The following TENM3 variants were observed in gnomAD, a reference collection of about 807,000 sequenced individuals.
The protein encoded by TENM3 is teneurin transmembrane protein 3, also known as teneurin-3.
Under a neutral mutation model 255.1 loss-of-function variants are expected in TENM3, and 63 were observed. That is an observed-to-expected ratio of 0.25 (90% CI 0.20 to 0.30). The LOEUF (loss-of-function observed/expected upper bound fraction) is 0.30, where lower values mean the gene tolerates loss of function less well. Ranked by LOEUF, TENM3 falls within the 10% of genes least tolerant of loss-of-function variation. The pLI, the probability that TENM3 is intolerant of heterozygous loss-of-function variation, is 1.00. For synonymous variants in TENM3, 1,306 were observed against 1,322.3 expected (o/e 0.99, Z 0.27); for missense variants, 2,929 against 3,461.1 (o/e 0.85, Z 3.86).
chr4:182,353,266 A>G (rs975602313), intron 3 of TENM3, among the ~76,000 whole-genome samples: 1 of 152,204 alleles, frequency 6.6e-6, no homozygotes, highest in African/African-American at 2.4e-5. Context: ...TAAGAAACAC[A>G]TGGCATTTCA....
the TENM3 span, among the ~76,000 whole-genome samples, chr4:181,550,504 T>G: frequency 6.6e-6 from 1 of 152,222 alleles, no homozygotes; most frequent in African/African-American, 2.4e-5. Flanking sequence ...TGGTGGTCAA[T>G]GATCGAGTCT....
At chr4:181,653,700 CTTTTTTT>C in the TENM3 span, among the ~76,000 whole-genome samples, 1 of 137,300 alleles carries the variant, frequency 7.3e-6, no homozygotes. Context: ...ATAAGACCAG[CTTTTTTT>C]TTTTTTTTTT....
At chr4:182,108,682 C>T in the TENM3 span, among the ~76,000 whole-genome samples, 3 of 152,052 alleles carry the variant, frequency 2.0e-5, no homozygotes, top group African/African-American at 7.2e-5. Context: ...GAGGATAATT[C>T]CAAATACAAT....
At chr4:181,751,294 T>A in the TENM3 span, among the ~76,000 whole-genome samples, 11 of 152,146 alleles carry the variant, frequency 7.2e-5, no homozygotes, top group Admixed American at 1.3e-4. Context: ...GTCCAGTCTT[T>A]TAACTCAAGA....
the TENM3 span, among the ~76,000 whole-genome samples, chr4:181,888,532 ATGTG>A: frequency 8.0e-3 from 625 of 77,652 alleles, 8 homozygotes; most frequent in African/African-American, 0.015. Flanking sequence ...ATATACATAT[ATGTG>A]TATATATATA....
At chr4:182,523,502 G>A (rs1738798507) in intron 3 of TENM3, among the ~76,000 whole-genome samples, 1 of 152,168 alleles carries the variant, frequency 6.6e-6, no homozygotes, top group African/African-American at 2.4e-5. Flanking sequence ...TAGTAAATTA[G>A]TGGGTACTGA....
At chr4:181,786,705 T>G in the TENM3 span, among the ~76,000 whole-genome samples, 1 of 151,940 alleles carries the variant, frequency 6.6e-6, no homozygotes, top group Non-Finnish European at 1.5e-5. Context: ...CACTTTTTTT[T>G]TTTTTTTCCT....
At chr4:182,141,582 G>C (rs532855641), upstream of TENM3, 1 of 152,296 alleles carries the variant, frequency 6.6e-6, no homozygotes, top group South Asian at 2.1e-4. Context: ...TGCGCGCTTT[G>C]TCCACCAGCG....
chr4:182,045,525 T>G, the TENM3 span, among the ~76,000 whole-genome samples: 1 of 152,180 alleles, frequency 6.6e-6, no homozygotes, highest in African/African-American at 2.4e-5. Context: ...TTGCGTTTTT[T>G]TAAGGGTGAA....
At position 182,680,439 on chromosome 4, in the gene TENM3, G is replaced by GGT. The variant is rs1554014059; in HGVS notation, c.1639+91_1639+92insTG. The GGT allele has an allele frequency of 4.2e-6, 6 of 1,417,086 alleles. No homozygotes were observed. In the Admixed American group the frequency reaches 5.2e-5, roughly 12 times the overall value. The allele number at this position is 1,417,086 out of a possible 1,614,324, so 87.8% of individuals were successfully genotyped here. ...AAAACTACCGAGACAGGAAAGAAAG[G>GGT]GGGGGGGAGACTGGCATATTGCTTG... On this transcript the variant is annotated intron_variant, in intron 9 of 27. Coordinates refer to ENST00000511685, the MANE Select transcript of TENM3 (RefSeq NM_001080477.4).
chr4:181,991,103 C>T, the TENM3 span, among the ~76,000 whole-genome samples: 1 of 152,096 alleles, frequency 6.6e-6, no homozygotes, highest in Non-Finnish European at 1.5e-5. Flanking sequence ...GCGTGAATTA[C>T]TTTCATAAAC....
chr4:181,669,793 C>T, the TENM3 span, among the ~76,000 whole-genome samples: 1 of 152,060 alleles, frequency 6.6e-6, no homozygotes, highest in East Asian at 1.9e-4. Flanking sequence ...CCGATGAAGC[C>T]CACTCTGTTT....
intron 3 of TENM3, among the ~76,000 whole-genome samples, chr4:182,400,697 C>T (rs1169981540): frequency 6.6e-6 from 1 of 152,146 alleles, no homozygotes; most frequent in Non-Finnish European, 1.5e-5. Context: ...ACAATGCAAG[C>T]ATATTTTTAA....
At chr4:181,789,586 G>T in the TENM3 span, among the ~76,000 whole-genome samples, 1 of 152,004 alleles carries the variant, frequency 6.6e-6, no homozygotes, top group Non-Finnish European at 1.5e-5. Flanking sequence ...GCTCATGAAG[G>T]ACTTAGACTG....
At chr4:182,023,188 C>A in the TENM3 span, among the ~76,000 whole-genome samples, 1 of 152,136 alleles carries the variant, frequency 6.6e-6, no homozygotes, top group African/African-American at 2.4e-5. Context: ...AGAAAACATT[C>A]CTCTTTTAAA....
the TENM3 span, among the ~76,000 whole-genome samples, chr4:181,501,889 G>A: frequency 1.3e-5 from 2 of 152,098 alleles, no homozygotes; most frequent in South Asian, 4.2e-4. Flanking sequence ...TCAGCTACAG[G>A]GCGAGCCGGG....
chr4:182,067,055 T>C, the TENM3 span, among the ~76,000 whole-genome samples: 1 of 152,148 alleles, frequency 6.6e-6, no homozygotes, highest in African/African-American at 2.4e-5. Flanking sequence ...AGCCTCCTTA[T>C]CTCCAGCCAG....
intron 3 of TENM3, chr4:182,449,078 G>A (rs1177605421): frequency 9.7e-6 from 3 of 308,134 alleles, no homozygotes; most frequent in East Asian, 1.9e-4. Flanking sequence ...GGCGCGCCGC[G>A]GCAAGGTGGG....
chr4:182,446,253 G>C (rs1429522283), intron 3 of TENM3, among the ~76,000 whole-genome samples: 1 of 152,038 alleles, frequency 6.6e-6, no homozygotes, highest in East Asian at 1.9e-4. Context: ...AATTAGTTTT[G>C]TATTCAGAAA....
Sources: gnomAD v4.1 joint callset for allele counts (sites outside exome capture counted in the v4.1 genomes callset) on GRCh38, gnomAD v4.1.1 for gene constraint, MANE v1.5 for transcripts, NCBI Gene and HGNC (gene_info 2026-07-23, HGNC 2026-07-21) for gene names.